Variants in ASTN2 observed in about 807,000 individuals in gnomAD.
ASTN2 encodes astrotactin 2.
A neutral mutation model predicts 139.8 loss-of-function variants in ASTN2; 54 were observed. The observed-to-expected ratio is 0.39, with a 90% CI of 0.31 to 0.48. The LOEUF is 0.48. Among genes scored for constraint, ASTN2 ranks in the 20% least tolerant of loss-of-function variants. The pLI is 0.95. For missense variants in ASTN2, 1,565 were observed against 1,725.1 expected (o/e 0.91, Z 1.64); for synonymous variants, 756 against 719.5 (o/e 1.05, Z -0.81).
chr9:116,699,438 A>G lies in ASTN2; in HGVS notation c.2806+26333T>C, dbSNP rs779755416. Reference sequence around the variant, plus strand: ...TGATGGGCAGCTGGGTCGCCAGATTAGCCACTTCTTCTCGGAGAATGAGGA... The same window carrying G: ...TGATGGGCAGCTGGGTCGCCAGATTGGCCACTTCTTCTCGGAGAATGAGGA... On this transcript the variant is annotated intron_variant, in intron 16 of 22. Transcript: ENST00000313400. This position sits in a 1 kb window ranked among gnomAD's most constrained non-coding sequence, Gnocchi z 4.2. 7 of 1,614,144 alleles carry G rather than the reference A, an allele frequency of 4.3e-6. No individual in the cohort carries two copies. The highest frequency in any genetic ancestry group is 5.9e-6 in the Non-Finnish European group (7 of 1,180,026).
At chr9:116,924,429 C>CAAAAA (rs35015769) in intron 10 of ASTN2, among the ~76,000 whole-genome samples, 6 of 54,980 alleles carry the variant, frequency 1.1e-4, no homozygotes, top group Non-Finnish European at 2.1e-4. Context: ...GACTTCATCT[C>CAAAAA]AAAAAAAAAA....
intron 3 of ASTN2, among the ~76,000 whole-genome samples, chr9:117,176,685 C>T (rs547691106): frequency 2.6e-4 from 40 of 152,260 alleles, no homozygotes; most frequent in Non-Finnish European, 5.3e-4. Context: ...CTAAACCCCA[C>T]AACTTGGGAG....
At chr9:116,904,569 T>A (rs1834105431) in intron 10 of ASTN2, among the ~76,000 whole-genome samples, 1 of 152,172 alleles carries the variant, frequency 6.6e-6, no homozygotes, top group Non-Finnish European at 1.5e-5. Context: ...AAAAGAGGAA[T>A]AATGAGGTTA....
chr9:116,589,457 A>C (rs926228484), intron 19 of ASTN2, among the ~76,000 whole-genome samples: 1 of 152,206 alleles, frequency 6.6e-6, no homozygotes, highest in Non-Finnish European at 1.5e-5. Context: ...GGAGTTTCTT[A>C]ATCAAGGTTC....
intron 4 of ASTN2, among the ~76,000 whole-genome samples, chr9:117,134,279 TATATATATATATATATACACAC>T (rs969457430): frequency 4.0e-5 from 3 of 74,432 alleles, no homozygotes; most frequent in African/African-American, 1.4e-4. Context: ...TATATATATA[TATATATATATATATATACACAC>T]ACACACACAC....
intron 1 of ASTN2, among the ~76,000 whole-genome samples, chr9:117,328,936 A>C (rs532885145): frequency 6.6e-6 from 1 of 152,290 alleles, no homozygotes; most frequent in African/African-American, 2.4e-5. Context: ...AAGGAAGATG[A>C]ATTAAGGTTT....
chr9:116,718,496 G>A (rs533828840), intron 16 of ASTN2, among the ~76,000 whole-genome samples: 2 of 152,142 alleles, frequency 1.3e-5, no homozygotes, highest in South Asian at 2.1e-4. Context: ...AATTTCATGC[G>A]TTAACTTGGC....
At chr9:117,095,991 C>T (rs1347486082) in intron 5 of ASTN2, 53 bp downstream of exon 5, 10 of 1,537,410 alleles carry the variant, frequency 6.5e-6, no homozygotes, top group Non-Finnish European at 8.1e-6. Flanking sequence ...ATCTGATTTC[C>T]AGGATTTCCT....
intron 1 of ASTN2, among the ~76,000 whole-genome samples, chr9:117,348,882 C>CAAA (rs58386335): frequency 5.4e-5 from 7 of 130,350 alleles, no homozygotes; most frequent in East Asian, 4.5e-4. Context: ...TGTCTCTGTC[C>CAAA]AAAAAAAAAA....
In ASTN2 at chr9:117,348,534, A is replaced by G. The variant is rs147210685; in HGVS notation, c.443-57021T>C. ...GAGATAAGCAAAGAGAAATGGATCT[A>G]TTTACTGTAAAGTTGCTCGGAGCCT... On this transcript the variant is annotated intron_variant, in intron 1 of 22. Coordinates refer to ENST00000313400, the MANE Select transcript of ASTN2 (RefSeq NM_001365068.1). 4.1e-3 allele frequency among the ~76,000 whole-genome samples: 627 copies of G among 152,194 alleles called. 3 individuals carry two copies. Among genetic ancestry groups the G allele is most frequent in the Non-Finnish European group, 6.9e-3 (471 of 67,986 alleles).
At chr9:116,534,684 T>A (rs528669190) in intron 19 of ASTN2, among the ~76,000 whole-genome samples, 10 of 152,364 alleles carry the variant, frequency 6.6e-5, no homozygotes, top group Admixed American at 4.6e-4. Flanking sequence ...AGTGAGTTTC[T>A]TAATCCTGAG....
rs577121671 is a variant in ASTN2 at position 117,026,646 on chromosome 9, C to A, written c.1423+13173G>T. Among the ~76,000 whole-genome samples, 22 of 152,252 alleles carry A rather than the reference C, an allele frequency of 1.4e-4. No homozygotes were observed. In the East Asian group the frequency reaches 4.1e-3, roughly 28 times the overall value. On this transcript the variant is annotated intron_variant, in intron 6 of 22. Transcript: ENST00000313400. ...GCATTATCTTATGAACTCAATATGG[C>A]AGCGCCTATCAGGTTCCTTGTCGCC...
At position 116,620,403 on chromosome 9, in the gene ASTN2, C is replaced by G. The variant is rs748277908; in HGVS notation, c.3113G>C (p.Gly1038Ala). The stretch of plus-strand genomic sequence containing the variant: ...CCAGTCATCGATCACATCCCCTTTC[C>G]CTGAGCACCAGTAGGAACTCATCAG... ...SALMSSYWCS[G>A]KGDVIDDWCR... The change falls in exon 18 of 23, where the codon GGG becomes GCG. Residue 1038 changes from glycine (G) to alanine (A), a missense_variant. Around this residue, in one of 4 missense-constraint regions of ASTN2, gnomAD observed 418 missense variants for 465.8 expected, o/e 0.90. Coordinates refer to ENST00000313400, the MANE Select transcript of ASTN2 (RefSeq NM_001365068.1). The G allele has an allele frequency of 6.2e-7, 1 of 1,614,032 alleles. No homozygotes were observed. The highest frequency in any genetic ancestry group is 1.3e-5 in the African/African-American group (1 of 74,894).
At chr9:116,768,350 G>A (rs1829866111) in intron 13 of ASTN2, among the ~76,000 whole-genome samples, 1 of 152,062 alleles carries the variant, frequency 6.6e-6, no homozygotes. Flanking sequence ...CCTCTGAGTA[G>A]CCTATGACAC....
chr9:117,139,582 A>G (rs948424941), intron 4 of ASTN2, among the ~76,000 whole-genome samples: 2 of 152,206 alleles, frequency 1.3e-5, no homozygotes, highest in African/African-American at 4.8e-5. Flanking sequence ...TACAGGATTC[A>G]AGATTTTACA....
At chr9:117,062,725 C>A (rs1466025576) in intron 5 of ASTN2, among the ~76,000 whole-genome samples, 1 of 152,050 alleles carries the variant, frequency 6.6e-6, no homozygotes, top group Non-Finnish European at 1.5e-5. Context: ...TATGTGTGCA[C>A]TTTTCTAGCA....
In ASTN2 at chr9:117,008,195, C is replaced by G; in HGVS notation, c.1488G>C (p.Lys496Asn). 6.2e-7 allele frequency: 1 copy of G among 1,611,850 alleles called. No individual in the cohort carries two copies. Among genetic ancestry groups the G allele is most frequent in the Non-Finnish European group, 8.5e-7 (1 of 1,178,996 alleles). Residue 496 changes from lysine (K) to asparagine (N), a missense_variant, in exon 7 of 23, where the codon AAG becomes AAC. Transcript: ENST00000313400. Reference sequence around the variant, plus strand: ...CATTGATCTGGTAATACAGGGAAAGCTTGGCCGGGTTTAACCAGTCGGAGA... The same window carrying G: ...CATTGATCTGGTAATACAGGGAAAGGTTGGCCGGGTTTAACCAGTCGGAGA... The part of the protein sequence containing the change: ...LDISDWLNPA[K>N]LSLYYQINAT...
chr9:116,824,797 T>G (rs1323262365), intron 11 of ASTN2, among the ~76,000 whole-genome samples: 1 of 152,240 alleles, frequency 6.6e-6, no homozygotes, highest in Non-Finnish European at 1.5e-5. Flanking sequence ...ATAGTTCTGC[T>G]GTTATAGGTA....
chr9:117,229,066 C>T (rs1465852029), intron 2 of ASTN2, among the ~76,000 whole-genome samples: 2 of 152,170 alleles, frequency 1.3e-5, no homozygotes, highest in East Asian at 3.9e-4. Flanking sequence ...CCTGAGTAAT[C>T]CAGGTAGTAG....
Sources: gnomAD v4.1 joint callset for allele counts (sites outside exome capture counted in the v4.1 genomes callset) on GRCh38, gnomAD v4.1.1 for gene constraint, gnomAD v4.1.1 regional missense constraint, Gnocchi (gnomAD v3.1) non-coding constraint, MANE v1.5 for transcripts, NCBI Gene and HGNC (gene_info 2026-07-23, HGNC 2026-07-21) for gene names.